Variants in GPM6A observed in about 807,000 individuals in gnomAD.
GPM6A encodes the protein neuronal membrane glycoprotein M6-a.
Under a neutral mutation model 32.1 loss-of-function variants are expected in GPM6A, and 7 were observed. That is an observed-to-expected ratio of 0.22 (90% CI 0.12 to 0.41). The LOEUF is 0.41. GPM6A is among the 10% of genes least tolerant of loss of function. GPM6A has a pLI of 1.00. For synonymous variants in GPM6A, 130 were observed against 123.4 expected (o/e 1.05, Z -0.35); for missense variants, 235 against 347.2 (o/e 0.68, Z 2.57).
At chr4:175,672,320 C>T (rs544268591) in intron 3 of GPM6A, among the ~76,000 whole-genome samples, 1 of 152,186 alleles carries the variant, frequency 6.6e-6, no homozygotes, top group Non-Finnish European at 1.5e-5. Flanking sequence ...AAATGATCCT[C>T]ATTTTGTAAA....
chr4:175,661,069 C>T (rs1225458989), intron 3 of GPM6A, among the ~76,000 whole-genome samples: 2 of 152,066 alleles, frequency 1.3e-5, no homozygotes, highest in African/African-American at 2.4e-5. Context: ...TTGGTGTATA[C>T]ATAATAAATG....
intron 1 of GPM6A, among the ~76,000 whole-genome samples, chr4:175,909,782 T>A (rs1403318589): frequency 6.6e-6 from 1 of 152,158 alleles, no homozygotes; most frequent in African/African-American, 2.4e-5. Context: ...CAGAGAGAGA[T>A]AAACATTTCT....
chr4:175,954,871 G>GA (rs1252543762), intron 1 of GPM6A, among the ~76,000 whole-genome samples: 1 of 152,226 alleles, frequency 6.6e-6, no homozygotes, highest in Admixed American at 6.5e-5. Context: ...GAACAAAAGA[G>GA]AGATAGCCAG....
intron 2 of GPM6A, among the ~76,000 whole-genome samples, chr4:175,685,607 C>T (rs747937894): frequency 1.3e-5 from 2 of 152,156 alleles, no homozygotes; most frequent in Admixed American, 6.5e-5. Flanking sequence ...AAGTATCTCA[C>T]CCTGTTACCT....
intron 1 of GPM6A, among the ~76,000 whole-genome samples, chr4:175,723,002 T>C (rs1430185672): frequency 2.0e-5 from 3 of 152,158 alleles, no homozygotes; most frequent in African/African-American, 2.4e-5. Flanking sequence ...TGAGCCATGA[T>C]TGTGTCACTG....
At chr4:175,705,106 G>C (rs1373886229) in intron 1 of GPM6A, among the ~76,000 whole-genome samples, 1 of 152,156 alleles carries the variant, frequency 6.6e-6, no homozygotes, top group Non-Finnish European at 1.5e-5. Context: ...CTGGAGTTCT[G>C]CATCAGAGCA....
chr4:175,982,282 G>C (rs79417310), intron 1 of GPM6A, among the ~76,000 whole-genome samples: 4,717 of 152,048 alleles, frequency 0.031, 163 homozygotes, highest in African/African-American at 0.085. Context: ...CTTTCAAAAC[G>C]AGACTTTTTG....
Position 175,752,170 on chromosome 4 carries a change from C to A in GPM6A, c.38-50403G>T, listed in dbSNP as rs111864517. Among the ~76,000 whole-genome samples, 714 of 152,252 alleles carry A rather than the reference C, an allele frequency of 4.7e-3. 4 individuals are homozygous for A. Among genetic ancestry groups the A allele is most frequent in the African/African-American group, 0.016 (645 of 41,540 alleles). On this transcript the variant is annotated intron_variant, in intron 1 of 6. Coordinates refer to ENST00000393658, the MANE Select transcript of GPM6A (RefSeq NM_201591.3). ...TTATATAATTGTGGATCATTTCTTA[C>A]TTAGGAAGATCATTCCTTCTATCAT...
At chr4:175,799,924 G>C (rs907233455) in intron 1 of GPM6A, among the ~76,000 whole-genome samples, 14 of 152,188 alleles carry the variant, frequency 9.2e-5, no homozygotes, top group Non-Finnish European at 1.5e-4. Context: ...CCTTGAGCAA[G>C]AGGCTTAATA....
chr4:175,979,956 A>T (rs1214809347), intron 1 of GPM6A, among the ~76,000 whole-genome samples: 1 of 152,226 alleles, frequency 6.6e-6, no homozygotes, highest in African/African-American at 2.4e-5. Flanking sequence ...GACTATAATT[A>T]AGAGTATTAT....
chr4:175,645,297 GAAC>G (rs1338946795), intron 4 of GPM6A, among the ~76,000 whole-genome samples: 9 of 152,248 alleles, frequency 5.9e-5, no homozygotes, highest in Admixed American at 5.9e-4. Context: ...CTTGAAATAT[GAAC>G]AACGTCAGAG....
At chr4:175,669,658 A>G (rs1742943642) in intron 3 of GPM6A, among the ~76,000 whole-genome samples, 1 of 152,204 alleles carries the variant, frequency 6.6e-6, no homozygotes, top group Non-Finnish European at 1.5e-5. Context: ...TATATATGGA[A>G]GAACATTACT....
intron 1 of GPM6A, among the ~76,000 whole-genome samples, chr4:175,783,424 A>G (rs962919897): frequency 1.3e-5 from 2 of 151,980 alleles, no homozygotes; most frequent in African/African-American, 2.4e-5. Context: ...TAAATTAGTG[A>G]GGAAATTCAG....
chr4:175,730,143 TTAAGTA>T (rs2111138437), intron 1 of GPM6A, among the ~76,000 whole-genome samples: 1 of 152,152 alleles, frequency 6.6e-6, no homozygotes, highest in Admixed American at 6.5e-5. Context: ...TTCTGGCAGC[TTAAGTA>T]TAAGCTGCTG....
At chr4:175,883,026 C>A (rs984644009) in intron 1 of GPM6A, among the ~76,000 whole-genome samples, 2 of 152,076 alleles carry the variant, frequency 1.3e-5, no homozygotes, top group South Asian at 4.1e-4. Context: ...GAATTCATTT[C>A]TTTAGACACA....
Position 175,857,884 on chromosome 4 carries a change from T to TA in GPM6A, c.-22-45636dup, listed in dbSNP as rs1195549605. On this transcript the variant is annotated intron_variant, in intron 1 of 7. Coordinates refer to the GPM6A transcript ENST00000280187. The stretch of plus-strand genomic sequence containing the variant: ...AGGTTCTAAATAGTGGAAGAAAGAT[T>TA]AAAAAAATAGCAACCTATGTTTTTG... Among the ~76,000 whole-genome samples the TA allele has an allele frequency of 2.6e-5, 4 of 152,140 alleles. No individual in the cohort carries two copies. In the East Asian group the frequency reaches 5.8e-4, roughly 22 times the overall value.
intron 1 of GPM6A, among the ~76,000 whole-genome samples, chr4:175,953,830 T>C (rs943907187): frequency 6.6e-6 from 1 of 151,402 alleles, no homozygotes; most frequent in African/African-American, 2.4e-5. Flanking sequence ...ACCCGGGAGG[T>C]GGGGGTTGTG....
chr4:175,913,717 C>T (rs1738394879), intron 1 of GPM6A, among the ~76,000 whole-genome samples: 1 of 152,170 alleles, frequency 6.6e-6, no homozygotes. Flanking sequence ...ATCCCTTCAT[C>T]TCCTTCAAGC....
intron 3 of GPM6A, among the ~76,000 whole-genome samples, chr4:175,667,627 T>A (rs1472267578): frequency 6.6e-6 from 1 of 152,164 alleles, no homozygotes; most frequent in Non-Finnish European, 1.5e-5. Flanking sequence ...AAGTAGAGTG[T>A]CAGTCACAGG....
Sources: gnomAD v4.1 joint callset for allele counts (sites outside exome capture counted in the v4.1 genomes callset) on GRCh38, gnomAD v4.1.1 for gene constraint, MANE v1.5 for transcripts, NCBI Gene and HGNC (gene_info 2026-07-23, HGNC 2026-07-21) for gene names.